SPCS3: variants seen among roughly 807,000 people sequenced by gnomAD.
The protein encoded by SPCS3 is signal peptidase complex subunit 3, also known as SPase 22 kDa subunit.
SPCS3 carries 9 observed loss-of-function variants against 17.2 expected under a neutral mutation model. The ratio of observed to expected loss-of-function variants is 0.52; its 90% CI spans 0.31 to 0.91. The LOEUF (loss-of-function observed/expected upper bound fraction) is 0.91. SPCS3 is among the 40% of genes least tolerant of loss of function. The pLI is 0.04. For synonymous variants in SPCS3, 87 were observed against 89.6 expected (o/e 0.97, Z 0.16); for missense variants, 139 against 217.5 (o/e 0.64, Z 2.27).
rs780403298 is a variant in SPCS3, at chr4:176,331,989, A to C, written c.*3659A>C. 2.6e-5 allele frequency: 4 copies of C among 152,240 alleles called. No homozygotes were observed. Among genetic ancestry groups the C allele is most frequent in the Non-Finnish European group, 5.9e-5 (4 of 68,042 alleles). The allele number at this position is 152,240 out of a possible 1,614,324, so 9.4% of individuals were successfully genotyped here. On this transcript the variant is annotated 3_prime_UTR_variant, in exon 5 of 5. Transcript: ENST00000503362. Reference sequence around the variant, plus strand: ...TGCATTTTAAAAGACTTTCAGATTTATGCTTTTTACGTGAAGCTGCTAAAC... The same window carrying C: ...TGCATTTTAAAAGACTTTCAGATTTCTGCTTTTTACGTGAAGCTGCTAAAC...
chr4:176,320,054 C>A lies in SPCS3; in HGVS notation c.-23C>A. On this transcript the variant is annotated 5_prime_UTR_variant, in exon 1 of 5. Transcript: ENST00000503362. ...GGAGCCTGGGTGTGCGTGTGGAGTC[C>A]GGACTCGTGGGAGACGATCGCGATG... is the stretch of plus-strand genomic sequence containing the variant. The A allele has an allele frequency of 6.5e-7, 1 of 1,527,984 alleles. No individual in the cohort carries two copies. The highest frequency in any genetic ancestry group is 8.8e-7 in the Non-Finnish European group (1 of 1,132,998). 94.7% of individuals were successfully genotyped at this position (1,527,984 alleles called of 1,614,324 possible). A position where few individuals can be genotyped will look rare whatever the true frequency, so the allele number is the denominator to read the frequency against.
chr4:176,326,805 AT>A (rs1396004578), intron 3 of SPCS3, among the ~76,000 whole-genome samples: 1 of 152,200 alleles, frequency 6.6e-6, no homozygotes, highest in Non-Finnish European at 1.5e-5. Context: ...GGGAAAAGTG[AT>A]TTAAAAGAAT....
chr4:176,331,290 G>A lies in SPCS3; in HGVS notation c.*2960G>A. 6.6e-6 allele frequency: 1 copy of A among 152,178 alleles called. No homozygotes were observed. The highest frequency in any genetic ancestry group is 1.5e-5 in the Non-Finnish European group (1 of 68,010). The allele number at this position is 152,178 out of a possible 1,614,324, so 9.4% of individuals were successfully genotyped here. The stretch of plus-strand genomic sequence containing the variant: ...TGGATCTTTCGGGTATATGTCAATG[G>A]AGGTATTATTTTATAATACTTTGCA... On this transcript the variant is annotated 3_prime_UTR_variant, in exon 5 of 5. Transcript: ENST00000503362.
chr4:176,331,402 G>A lies in SPCS3; in HGVS notation c.*3072G>A, dbSNP rs1280095677. ...ATATATTCATTTCAAAACTTTCCTT[G>A]CTTTTAGCAGAGAGAAGCCTGTATA... On this transcript the variant is annotated 3_prime_UTR_variant, in exon 5 of 5. Coordinates refer to ENST00000503362, the MANE Select transcript of SPCS3 (RefSeq NM_021928.4). 1 of 151,956 alleles carries A rather than the reference G, an allele frequency of 6.6e-6. No homozygotes were observed. Among genetic ancestry groups the A allele is most frequent in the African/African-American group, 2.4e-5 (1 of 41,338 alleles). The allele number at this position is 151,956 out of a possible 1,614,324, so 9.4% of individuals were successfully genotyped here.
At chr4:176,324,805 G>A (rs1454164) in intron 3 of SPCS3, among the ~76,000 whole-genome samples, 10,076 of 152,214 alleles carry the variant, frequency 0.066, 375 homozygotes, top group African/African-American at 0.09. Flanking sequence ...AATAATCCAT[G>A]CATATGTAAA....
In SPCS3 at chr4:176,328,947, C is replaced by G. The variant is rs1306703005; in HGVS notation, c.*617C>G. The G allele has an allele frequency of 6.6e-6, 1 of 152,102 alleles. No homozygotes were observed. Among genetic ancestry groups the G allele is most frequent in the Non-Finnish European group, 1.5e-5 (1 of 67,990 alleles). The allele number at this position is 152,102 out of a possible 1,614,324, so 9.4% of individuals were successfully genotyped here. ...TTCTCCACTTAAAGACTAAATACCT[C>G]TTTATATGATGTAAATTATTCTAAT... On this transcript the variant is annotated 3_prime_UTR_variant, in exon 5 of 5. Coordinates refer to ENST00000503362, the MANE Select transcript of SPCS3 (RefSeq NM_021928.4).
In SPCS3 at chr4:176,332,213, A is replaced by C. The variant is rs951338652; in HGVS notation, c.*3883A>C. The C allele has an allele frequency of 1.3e-5, 2 of 152,248 alleles. No homozygotes were observed. Among genetic ancestry groups the C allele is most frequent in the African/African-American group, 4.8e-5 (2 of 41,478 alleles). 9.4% of individuals were successfully genotyped at this position (152,248 alleles called of 1,614,324 possible). ...CGCCTAGTGTAGTGCCTTGCACATAATAGGCGCCCAATAAATATTGATGAA... is the reference window on the plus strand; with the variant it reads ...CGCCTAGTGTAGTGCCTTGCACATACTAGGCGCCCAATAAATATTGATGAA... On this transcript the variant is annotated 3_prime_UTR_variant, in exon 5 of 5. Transcript: ENST00000503362.
chr4:176,322,354 T>G, intron 2 of SPCS3, 111 bp downstream of exon 2: 1 of 687,364 alleles, frequency 1.5e-6, no homozygotes, highest in Non-Finnish European at 2.4e-6. Flanking sequence ...AGCCAAACCT[T>G]GGAAATTCCG....
intron 1 of SPCS3, chr4:176,321,958 G>C (rs1731544769): frequency 2.6e-6 from 1 of 389,000 alleles, no homozygotes; most frequent in Admixed American, 4.5e-5. Flanking sequence ...GGATTCTCTT[G>C]AGGTATATGC....
rs182428106 is a variant in SPCS3 at position 176,325,570 on chromosome 4, A to G, written c.294+1313A>G. Among the ~76,000 whole-genome samples the G allele has an allele frequency of 2.5e-3, 373 of 152,060 alleles. 5 individuals are homozygous for G. The highest frequency in any genetic ancestry group is 0.012 in the South Asian group (57 of 4,818). On this transcript the variant is annotated intron_variant, in intron 3 of 4. Coordinates refer to ENST00000503362, the MANE Select transcript of SPCS3 (RefSeq NM_021928.4). The stretch of plus-strand genomic sequence containing the variant: ...ACCAGATACCTTTCTTTAAAAAAAA[A>G]AAAAAAAAGAACATGGTGCAAGGTG...
In SPCS3 at chr4:176,320,169, C is replaced by T. The variant is rs1731515515; in HGVS notation, c.93C>T (p.Ala31=). The T allele has an allele frequency of 6.3e-7, 1 of 1,583,374 alleles. No individual in the cohort carries two copies. Among genetic ancestry groups the T allele is most frequent in the Non-Finnish European group, 8.6e-7 (1 of 1,165,854 alleles). Reference sequence around the variant, plus strand: ...CCTTCGGCTGCTTCATCACCACCGCCTTCAAAGACAGGAGCGTCCCGGTGC... The same window carrying T: ...CCTTCGGCTGCTTCATCACCACCGCTTTCAAAGACAGGAGCGTCCCGGTGC... The part of the protein sequence containing the change: ...ALTFGCFITT[A]FKDRSVPVRL... Residue 31 remains alanine, a synonymous_variant, in exon 1 of 5, where the codon GCC becomes GCT. Transcript: ENST00000503362.
Position 176,324,260 on chromosome 4 carries a change from A to G in SPCS3, c.294+3A>G. 1 of 1,100,112 alleles carries G rather than the reference A, an allele frequency of 9.1e-7. No individual in the cohort carries two copies. The highest frequency in any genetic ancestry group is 1.3e-6 in the Non-Finnish European group (1 of 794,560). The allele number at this position is 1,100,112 out of a possible 1,614,324, so 68.1% of individuals were successfully genotyped here. A position where few individuals can be genotyped will look rare whatever the true frequency, so the allele number is the denominator to read the frequency against. On this transcript the variant is annotated splice_donor_region_variant and intron_variant, in intron 3 of 4. Coordinates refer to ENST00000503362, the MANE Select transcript of SPCS3 (RefSeq NM_021928.4). ...CAGAATATTCAACAAAAAATAATGT[A>G]AGTATATCTAATTAGAAGTATTTTA...
At chr4:176,323,062 C>A (rs1299162559) in intron 2 of SPCS3, among the ~76,000 whole-genome samples, 4 of 152,026 alleles carry the variant, frequency 2.6e-5, no homozygotes, top group Non-Finnish European at 5.9e-5. Context: ...TCTAATTTGC[C>A]TTTCTATGAC....
chr4:176,322,083 C>T (rs1579356895), intron 1 of SPCS3, 87 bp from the exon 2 acceptor site: 1 of 809,238 alleles, frequency 1.2e-6, no homozygotes, highest in South Asian at 1.7e-5. Context: ...CACCTATGCA[C>T]ACACCTGTAT....
Position 176,319,968 on chromosome 4 carries a change from T to TCCCGGAACGCGCGCA in SPCS3, c.-106_-92dup. The TCCCGGAACGCGCGCA allele has an allele frequency of 7.7e-7, 1 of 1,291,498 alleles. No individual in the cohort carries two copies. The highest frequency in any genetic ancestry group is 1.0e-6 in the Non-Finnish European group (1 of 998,924). 80.0% of individuals were successfully genotyped at this position (1,291,498 alleles called of 1,614,324 possible). On this transcript the variant is annotated 5_prime_UTR_variant, in exon 1 of 5. Coordinates refer to ENST00000503362, the MANE Select transcript of SPCS3 (RefSeq NM_021928.4). ...GAGGCGGGGCTGCGGCGGCGCGCGC[T>TCCCGGAACGCGCGCA]CCCGGAACGCGCGCACCGCAGACGG...
Position 176,327,258 on chromosome 4 carries a change from G to T in SPCS3, c.391G>T (p.Asp131Tyr). Residue 131 changes from aspartate (D) to tyrosine (Y), a missense_variant, in exon 4 of 5, where the codon GAC (aspartate) becomes TAC (tyrosine). Physicochemically the swap from Asp to Tyr is radical, Grantham distance 160. Transcript: ENST00000503362. Reference sequence around the variant, plus strand: ...TATGAAAACAAAATATTTTTTCTTTGACGATGGAAATGGTCTCAAGTGAGC... The same window carrying T: ...TATGAAAACAAAATATTTTTTCTTTTACGATGGAAATGGTCTCAAGTGAGC... ...KDMKTKYFFF[D>Y]DGNGLKGNRN... The T allele has an allele frequency of 6.3e-7, 1 of 1,575,544 alleles. No individual in the cohort carries two copies. Among genetic ancestry groups the T allele is most frequent in the South Asian group, 1.2e-5 (1 of 84,340 alleles).
chr4:176,331,167 T>C lies in SPCS3; in HGVS notation c.*2837T>C, dbSNP rs1474750423. 6.6e-6 allele frequency: 1 copy of C among 152,138 alleles called. No individual in the cohort carries two copies. 9.4% of individuals were successfully genotyped at this position (152,138 alleles called of 1,614,324 possible). A position where few individuals can be genotyped will look rare whatever the true frequency, so the allele number is the denominator to read the frequency against. On this transcript the variant is annotated 3_prime_UTR_variant, in exon 5 of 5. Coordinates refer to ENST00000503362, the MANE Select transcript of SPCS3 (RefSeq NM_021928.4). Reference sequence around the variant, plus strand: ...CATCTTAGAGATGAAAAGCTGGGCTTTTTCTCTAAGATGATAATCTTAAAG... The same window carrying C: ...CATCTTAGAGATGAAAAGCTGGGCTCTTTCTCTAAGATGATAATCTTAAAG...
Position 176,324,213 on chromosome 4 carries a change from C to G in SPCS3, c.250C>G (p.Gln84Glu). The G allele has an allele frequency of 8.4e-7, 1 of 1,184,646 alleles. No homozygotes were observed. The highest frequency in any genetic ancestry group is 1.5e-5 in the South Asian group (1 of 66,412). The allele number at this position is 1,184,646 out of a possible 1,614,324, so 73.4% of individuals were successfully genotyped here. Residue 84 changes from glutamine to glutamate, a missense_variant, in exon 3 of 5, where the codon CAG becomes GAG. Transcript: ENST00000503362. Reference protein sequence around the residue: ...LENIFDWNVKQLFLYLSAEYS... With the variant: ...LENIFDWNVKELFLYLSAEYS... The stretch of plus-strand genomic sequence containing the variant: ...GAATATATTTGATTGGAATGTTAAG[C>G]AGTTGTTTCTTTATTTATCAGCAGA...
intron 3 of SPCS3, among the ~76,000 whole-genome samples, chr4:176,325,081 C>T (rs1348368285): frequency 3.5e-5 from 5 of 142,388 alleles, no homozygotes; most frequent in Non-Finnish European, 6.0e-5. Context: ...GACAGAGTCT[C>T]GTGCTTGTAG....
Sources: gnomAD v4.1 joint callset for allele counts (sites outside exome capture counted in the v4.1 genomes callset) on GRCh38, gnomAD v4.1.1 for gene constraint, MANE v1.5 for transcripts, NCBI Gene and HGNC (gene_info 2026-07-23, HGNC 2026-07-21) for gene names.